SMG6: variants seen among roughly 807,000 people sequenced by gnomAD.
SMG6 encodes SMG6 nonsense mediated mRNA decay factor.
In SMG6, 66 loss-of-function variants were observed where a neutral mutation model predicts 142.2. That is an observed-to-expected ratio of 0.46 (90% CI 0.38 to 0.57). The LOEUF is 0.57. Among genes scored for constraint, SMG6 ranks in the 20% least tolerant of loss-of-function variants. The pLI is 0.00. For synonymous variants in SMG6, 779 were observed against 702.4 expected (o/e 1.11, Z -1.72); for missense variants, 1,793 against 1,832.0 (o/e 0.98, Z 0.39).
At chr17:2,066,934 A>G (rs1260655011) in intron 16 of SMG6, among the ~76,000 whole-genome samples, 1 of 152,242 alleles carries the variant, frequency 6.6e-6, no homozygotes, top group African/African-American at 2.4e-5. Context: ...CGGAGCACAG[A>G]GCAGGTTAAA....
intron 13 of SMG6, among the ~76,000 whole-genome samples, chr17:2,102,774 G>A (rs887115594): frequency 2.0e-5 from 3 of 151,978 alleles, no homozygotes; most frequent in African/African-American, 7.3e-5. Context: ...TGGAACTGAC[G>A]CTTTGAACCC....
At chr17:2,226,872 A>G (rs930401890) in intron 10 of SMG6, among the ~76,000 whole-genome samples, 5 of 152,212 alleles carry the variant, frequency 3.3e-5, no homozygotes, top group Non-Finnish European at 5.9e-5. Flanking sequence ...AATGCACTCC[A>G]GCCCTGTGAC....
At chr17:2,291,240 A>G (rs1237217731) in intron 6 of SMG6, among the ~76,000 whole-genome samples, 4 of 152,028 alleles carry the variant, frequency 2.6e-5, no homozygotes, top group Non-Finnish European at 5.9e-5. Flanking sequence ...CTGAGGCAGG[A>G]GAATGGCGTG....
chr17:2,079,242 G>C, intron 15 of SMG6, among the ~76,000 whole-genome samples: 1 of 152,238 alleles, frequency 6.6e-6, no homozygotes, highest in East Asian at 1.9e-4. Context: ...GGCATTATAG[G>C]CGTGAGCCAC....
In SMG6 at chr17:2,068,745, G is replaced by T. The variant is rs1260915343; in HGVS notation, c.3835+33C>A. 1.2e-6 allele frequency: 2 copies of T among 1,605,378 alleles called. No homozygotes were observed. Among genetic ancestry groups the T allele is most frequent in the Admixed American group, 3.4e-5 (2 of 59,514 alleles). On this transcript the variant is annotated intron_variant, in intron 16 of 18. Transcript: ENST00000263073. This position sits in a 1 kb window ranked among gnomAD's most constrained non-coding sequence, Gnocchi z 6.7. Reference sequence around the variant, plus strand: ...GTGTGGAGGGGGCTGCTGTGCACATGCAAGGCCGCTCTGCCCTTCCCGCCT... The same window carrying T: ...GTGTGGAGGGGGCTGCTGTGCACATTCAAGGCCGCTCTGCCCTTCCCGCCT...
chr17:2,129,793 C>CAAAAAAAAAAAA (rs57556112), intron 13 of SMG6, among the ~76,000 whole-genome samples: 8 of 56,330 alleles, frequency 1.4e-4, no homozygotes, highest in East Asian at 6.9e-4. Flanking sequence ...GGCTCTGTCT[C>CAAAAAAAAAAAA]AAAAAAAAAA....
chr17:2,205,898 T>C (rs566684217), intron 10 of SMG6, among the ~76,000 whole-genome samples: 1 of 152,244 alleles, frequency 6.6e-6, no homozygotes, highest in East Asian at 1.9e-4. Context: ...AACCTCTGCC[T>C]CCCGAGCTCA....
chr17:2,222,112 T>C (rs1034748704), intron 10 of SMG6, among the ~76,000 whole-genome samples: 2 of 152,182 alleles, frequency 1.3e-5, no homozygotes, highest in East Asian at 3.8e-4. Context: ...CTGTTTTAGA[T>C]GTTCACAATG....
chr17:2,296,508 G>C (rs1286607225), intron 4 of SMG6, among the ~76,000 whole-genome samples: 1 of 152,172 alleles, frequency 6.6e-6, no homozygotes, highest in African/African-American at 2.4e-5. Flanking sequence ...GCGGTGGGCA[G>C]GCAAGCATCA....
intron 8 of SMG6, among the ~76,000 whole-genome samples, chr17:2,282,390 CAAA>C (rs576759563): frequency 0.44 from 37,399 of 84,168 alleles, 5,977 homozygotes; most frequent in African/African-American, 0.57. Flanking sequence ...CAAAAAGCAG[CAAA>C]AAAAAAAAAA....
intron 15 of SMG6, among the ~76,000 whole-genome samples, chr17:2,078,607 A>T (rs1375814320): frequency 6.6e-6 from 1 of 151,988 alleles, no homozygotes; most frequent in Non-Finnish European, 1.5e-5. Context: ...CCTGACCTCA[A>T]GTGATCTGCC....
chr17:2,073,725 A>AG (rs1567574751), intron 15 of SMG6, among the ~76,000 whole-genome samples: 1 of 150,016 alleles, frequency 6.7e-6, no homozygotes, highest in East Asian at 2.0e-4. Flanking sequence ...AAAAAAAAAA[A>AG]AAAAGAGACA....
At chr17:2,098,049 C>T (rs752007681) in intron 13 of SMG6, among the ~76,000 whole-genome samples, 5 of 152,192 alleles carry the variant, frequency 3.3e-5, no homozygotes, top group African/African-American at 9.6e-5. Flanking sequence ...AGTACAGTGA[C>T]GAGATCATGG....
chr17:2,078,066 G>A (rs1020597957), intron 15 of SMG6, among the ~76,000 whole-genome samples: 3 of 152,108 alleles, frequency 2.0e-5, no homozygotes, highest in Admixed American at 6.6e-5. Flanking sequence ...CTTTCAGGAA[G>A]AGAATGATGG....
chr17:2,231,131 A>G (rs2073479918), intron 10 of SMG6, among the ~76,000 whole-genome samples: 1 of 152,142 alleles, frequency 6.6e-6, no homozygotes, highest in Non-Finnish European at 1.5e-5. Flanking sequence ...GAGACTCACG[A>G]CAGAAGTGAA....
chr17:2,238,699 G>A (rs534418445), intron 9 of SMG6, among the ~76,000 whole-genome samples: 1 of 152,338 alleles, frequency 6.6e-6, no homozygotes, highest in African/African-American at 2.4e-5. Context: ...TCGAAGCTGT[G>A]TCTGAGGAAG....
intron 14 of SMG6, among the ~76,000 whole-genome samples, chr17:2,083,401 A>G (rs576267936): frequency 6.6e-6 from 1 of 152,304 alleles, no homozygotes; most frequent in South Asian, 2.1e-4. Context: ...TGTTCTATTC[A>G]CAAAGAACTA....
chr17:2,076,389 C>T (rs974957317), intron 15 of SMG6, among the ~76,000 whole-genome samples: 5 of 152,206 alleles, frequency 3.3e-5, no homozygotes, highest in African/African-American at 1.2e-4. Context: ...AGCCTCTCCC[C>T]AACTCCCAGG....
In SMG6 at chr17:2,086,016, G is replaced by C. The variant is rs2068551631; in HGVS notation, c.3358-115C>G. On this transcript the variant is annotated intron_variant, in intron 13 of 18. Coordinates refer to ENST00000263073, the MANE Select transcript of SMG6 (RefSeq NM_017575.5). ...GAACTGTGTCAAAGCTACCAGGCAA[G>C]GGGGTCAGAATGAATGACGGGGTGC... The C allele has an allele frequency of 4.6e-6, 5 of 1,084,736 alleles. No homozygotes were observed. The South Asian group carries it at 5.1e-5, about 11-fold the overall frequency. The allele number at this position is 1,084,736 out of a possible 1,614,324, so 67.2% of individuals were successfully genotyped here.
Sources: allele counts gnomAD v4.1 joint callset (sites outside exome capture counted in the v4.1 genomes callset), GRCh38; gene constraint gnomAD v4.1.1; non-coding constraint Gnocchi (gnomAD v3.1); transcripts MANE v1.5; gene names NCBI Gene and HGNC (gene_info 2026-07-23, HGNC 2026-07-21).